CPQ: variants seen among roughly 807,000 people sequenced by gnomAD.
The protein encoded by CPQ is carboxypeptidase Q.
CPQ carries 37 observed loss-of-function variants against 45.7 expected under a neutral mutation model. That is an observed-to-expected ratio of 0.81 (90% CI 0.62 to 1.07). The LOEUF is 1.07. Ranked by LOEUF, CPQ falls within the 50% of genes least tolerant of loss-of-function variation. CPQ has a pLI of 0.00. For synonymous variants in CPQ, 186 were observed against 205.8 expected, an observed-to-expected ratio of 0.90 and a Z score of 0.82; for missense variants, 537 against 572.9, an observed-to-expected ratio of 0.94 and a Z score of 0.64.
At chr8:96,932,157 A>T (rs1250359676) in intron 4 of CPQ, among the ~76,000 whole-genome samples, 1 of 151,988 alleles carries the variant, frequency 6.6e-6, no homozygotes, top group Admixed American at 6.5e-5. Flanking sequence ...CTATGTTTTC[A>T]TCAGATAACT....
intron 7 of CPQ, among the ~76,000 whole-genome samples, chr8:97,122,961 TAAA>T (rs1189356474): frequency 3.4e-5 from 2 of 59,492 alleles, no homozygotes; most frequent in African/African-American, 2.1e-4. Flanking sequence ...TAAAATAAAA[TAAA>T]ATAAAATAAA....
chr8:97,142,331 GAC>G (rs2130635672), intron 7 of CPQ, among the ~76,000 whole-genome samples: 2 of 152,270 alleles, frequency 1.3e-5, no homozygotes, highest in African/African-American at 4.8e-5. Context: ...TATGATCCAT[GAC>G]TGAAACTAGC....
chr8:97,003,186 A>G (rs1162518494), intron 5 of CPQ, among the ~76,000 whole-genome samples: 3 of 152,072 alleles, frequency 2.0e-5, no homozygotes, highest in Non-Finnish European at 4.4e-5. Context: ...AAGACAGCAT[A>G]CCAATAGGTC....
At position 96,785,297 on chromosome 8, in the gene CPQ, G is replaced by C. The variant is rs750892175; in HGVS notation, c.400G>C (p.Gly134Arg). The C allele has an allele frequency of 6.2e-7, 1 of 1,610,980 alleles. No homozygotes were observed. The change falls in exon 2 of 8, where the codon GGT becomes CGT. Residue 134 changes from glycine (G) to arginine (R), a missense_variant. Transcript: ENST00000220763. ...EPRIHKIAIL[G>R]LGSSIGTPPE... Reference sequence around the variant, plus strand: ...AAGAATTCATAAGATAGCCATCCTGGGTCTTGGCAGCAGCATTGGGACTCC... The same window carrying C: ...AAGAATTCATAAGATAGCCATCCTGCGTCTTGGCAGCAGCATTGGGACTCC...
At chr8:97,103,137 G>A (rs1811343366) in intron 7 of CPQ, among the ~76,000 whole-genome samples, 1 of 152,042 alleles carries the variant, frequency 6.6e-6, no homozygotes, top group South Asian at 2.1e-4. Context: ...GATAACTCAG[G>A]ATAATCAACC....
At chr8:96,880,776 T>G (rs1311703857) in intron 4 of CPQ, among the ~76,000 whole-genome samples, 2 of 151,276 alleles carry the variant, frequency 1.3e-5, no homozygotes, top group Non-Finnish European at 2.9e-5. Flanking sequence ...GGCTCCAAAA[T>G]CGGGGAGGGA....
intron 4 of CPQ, among the ~76,000 whole-genome samples, chr8:96,953,266 C>T (rs779709795): frequency 1.3e-5 from 2 of 152,084 alleles, no homozygotes; most frequent in African/African-American, 2.4e-5. Flanking sequence ...CTCCTCAGGG[C>T]AGGTGTCCAT....
At chr8:96,836,555 A>G (rs1025264872) in intron 3 of CPQ, among the ~76,000 whole-genome samples, 15 of 152,134 alleles carry the variant, frequency 9.9e-5, no homozygotes, top group African/African-American at 3.4e-4. Context: ...CCAGGAGGGA[A>G]GTCCTAAAAT....
At chr8:96,876,424 T>A (rs1014981439) in intron 3 of CPQ, among the ~76,000 whole-genome samples, 1 of 152,106 alleles carries the variant, frequency 6.6e-6, no homozygotes, top group South Asian at 2.1e-4. Context: ...TTTAAAAAAT[T>A]TTTTTATTAT....
chr8:97,105,590 T>A (rs528695114), intron 7 of CPQ, among the ~76,000 whole-genome samples: 8 of 152,324 alleles, frequency 5.3e-5, no homozygotes, highest in African/African-American at 1.9e-4. Context: ...CTGCTCCTTT[T>A]ACTAGGAACC....
chr8:97,019,730 T>G (rs1011475430), intron 5 of CPQ, among the ~76,000 whole-genome samples: 2 of 152,108 alleles, frequency 1.3e-5, no homozygotes, highest in African/African-American at 4.8e-5. Flanking sequence ...ATAAAACAAT[T>G]AGTAATTGAC....
intron 1 of CPQ, among the ~76,000 whole-genome samples, chr8:96,651,778 A>G (rs1232832080): frequency 1.3e-5 from 2 of 152,148 alleles, no homozygotes; most frequent in Non-Finnish European, 2.9e-5. Flanking sequence ...TATATGGGGT[A>G]TATGTATGTA....
intron 1 of CPQ, among the ~76,000 whole-genome samples, chr8:96,691,438 G>A (rs1194745653): frequency 6.6e-6 from 1 of 152,078 alleles, no homozygotes; most frequent in African/African-American, 2.4e-5. Flanking sequence ...AGTACTAGGG[G>A]TTAGGACATG....
At chr8:96,825,376 A>G (rs1260250629) in intron 2 of CPQ, among the ~76,000 whole-genome samples, 1 of 151,976 alleles carries the variant, frequency 6.6e-6, no homozygotes. Flanking sequence ...TGAAGCTAAC[A>G]CCATGGGTTT....
chr8:96,893,869 T>A (rs565654467), intron 4 of CPQ, among the ~76,000 whole-genome samples: 31 of 152,320 alleles, frequency 2.0e-4, no homozygotes, highest in Admixed American at 3.9e-4. Flanking sequence ...CATTTTTTTT[T>A]AAAATTTCTG....
chr8:96,987,432 A>T (rs529603483), intron 5 of CPQ, among the ~76,000 whole-genome samples: 3 of 152,292 alleles, frequency 2.0e-5, no homozygotes, highest in Admixed American at 6.5e-5. Context: ...TATAACTATG[A>T]CTAAAGAGAA....
At chr8:97,117,193 T>C (rs921590948) in intron 7 of CPQ, among the ~76,000 whole-genome samples, 1 of 152,252 alleles carries the variant, frequency 6.6e-6, no homozygotes, top group African/African-American at 2.4e-5. Context: ...TCTGATTTTT[T>C]ATAAAATCAT....
chr8:96,987,245 C>T (rs1232428739), intron 5 of CPQ, among the ~76,000 whole-genome samples: 1 of 152,050 alleles, frequency 6.6e-6, no homozygotes, highest in Non-Finnish European at 1.5e-5. Flanking sequence ...TCTGTGCATG[C>T]CCACATCCAG....
chr8:96,771,781 T>G lies in CPQ; in HGVS notation c.-34-13083T>G, dbSNP rs181957736. Reference sequence around the variant, plus strand: ...GTACATCCACTTCTCCTCCCTAATTTTATGCCTGGTGGCTGTGCTAGAGCC... The same window carrying G: ...GTACATCCACTTCTCCTCCCTAATTGTATGCCTGGTGGCTGTGCTAGAGCC... On this transcript the variant is annotated intron_variant, in intron 1 of 7. Transcript: ENST00000220763. Among the ~76,000 whole-genome samples, 319 of 152,230 alleles carry G rather than the reference T, an allele frequency of 2.1e-3. 7 individuals carry two copies. Among genetic ancestry groups the G allele is most frequent in the Admixed American group, 0.018 (273 of 15,276 alleles).
Sources: allele counts gnomAD v4.1 joint callset (sites outside exome capture counted in the v4.1 genomes callset), GRCh38; gene constraint gnomAD v4.1.1; transcripts MANE v1.5; gene names NCBI Gene and HGNC (gene_info 2026-07-23, HGNC 2026-07-21).